RBM34: variants seen among roughly 807,000 people sequenced by gnomAD.
The protein encoded by RBM34 is RNA-binding protein 34.
A neutral mutation model predicts 44.6 loss-of-function variants in RBM34; 39 were observed. The ratio of observed to expected loss-of-function variants is 0.87; its 90% confidence interval spans 0.68 to 1.14. The LOEUF is 1.14. Among genes scored for constraint, RBM34 ranks in the 50% most tolerant of loss-of-function variants. RBM34 has a pLI of 0.00. For missense variants in RBM34, 572 were observed against 517.9 expected (o/e 1.10, Z -1.01); for synonymous variants, 194 against 184.0 (o/e 1.05, Z -0.44).
At chr1:235,136,993 T>A (rs567479873) in intron 8 of RBM34, among the ~76,000 whole-genome samples, 1 of 152,324 alleles carries the variant, frequency 6.6e-6, no homozygotes, top group Non-Finnish European at 1.5e-5. Flanking sequence ...TCTTTCTTTT[T>A]TCCCCCCGCT....
Position 235,160,977 on chromosome 1 carries a change from A to G in RBM34, c.144T>C (p.His48=), listed in dbSNP as rs1245990062. ...CCAGCCGACCGGTGCCACCTCTGGA[A>G]TGGTGTTCGCCGCGAAATAAGCTAC... ...VASSLFRGEH[H]SRGGTGRLAS... is the part of the protein sequence containing the mutation. The change falls in exon 2 of 11, where the codon CAT becomes CAC. Residue 48 remains histidine (H), a synonymous_variant. Coordinates refer to ENST00000408888, the MANE Select transcript of RBM34 (RefSeq NM_015014.4). The G allele has an allele frequency of 5.6e-6, 9 of 1,614,172 alleles. No homozygotes were observed.
intron 6 of RBM34, among the ~76,000 whole-genome samples, chr1:235,145,486 C>T (rs986891923): frequency 6.6e-6 from 1 of 152,100 alleles, no homozygotes; most frequent in Admixed American, 6.6e-5. Context: ...CCACGCTGCC[C>T]AGGCTGGTCT....
At chr1:235,151,995 T>G (rs1228687355) in intron 5 of RBM34, among the ~76,000 whole-genome samples, 1 of 151,694 alleles carries the variant, frequency 6.6e-6, no homozygotes, top group Non-Finnish European at 1.5e-5. Context: ...ATCGCACCAC[T>G]GCACTCCAGC....
chr1:235,140,350 C>T (rs1269616758), intron 6 of RBM34, among the ~76,000 whole-genome samples: 1 of 152,156 alleles, frequency 6.6e-6, no homozygotes, highest in Admixed American at 6.5e-5. Context: ...TCCAGGTGGG[C>T]GTGGGCTTGG....
At chr1:235,135,615 C>T in intron 10 of RBM34, 37 bp downstream of exon 10, 2 of 1,539,768 alleles carry the variant, frequency 1.3e-6, no homozygotes, top group Non-Finnish European at 1.8e-6. Flanking sequence ...TCCCAGGGCA[C>T]TTCGAAGGAC....
chr1:235,152,592 C>T (rs1335924458), intron 5 of RBM34, 114 bp downstream of exon 5: 2 of 1,486,154 alleles, frequency 1.3e-6, no homozygotes, highest in Non-Finnish European at 1.8e-6. Flanking sequence ...AAATTTGAAC[C>T]TATTGATTCA....
In RBM34 at chr1:235,155,822, CATATATATATATATAT is replaced by C. The variant is rs1172462826; in HGVS notation, c.366-726_366-711del. Among the ~76,000 whole-genome samples the C allele has an allele frequency of 3.4e-3, 218 of 64,166 alleles. 7 individuals are homozygous for C. The highest frequency in any genetic ancestry group is 8.3e-3 in the African/African-American group (72 of 8,654). The allele number at this position is 64,166 out of a possible 152,430, so 42.1% of individuals were successfully genotyped here. A position where few individuals can be genotyped will look rare whatever the true frequency, so the allele number is the denominator to read the frequency against. ...GTCCAGTCTTTTATACATACATATA[CATATATATATATATAT>C]ATATATATATATATATATATATATA... On this transcript the variant is annotated intron_variant, in intron 3 of 10. Transcript: ENST00000408888.
chr1:235,135,520 C>T (rs1365286384), intron 10 of RBM34, 132 bp downstream of exon 10: 2 of 801,756 alleles, frequency 2.5e-6, no homozygotes, highest in African/African-American at 1.7e-5. Flanking sequence ...TGAGTCACTG[C>T]ACCTAGCCCA....
chr1:235,136,994 T>A (rs74960730), intron 8 of RBM34, among the ~76,000 whole-genome samples: 1 of 152,098 alleles, frequency 6.6e-6, no homozygotes, highest in Non-Finnish European at 1.5e-5. Flanking sequence ...CTTTCTTTTT[T>A]CCCCCCGCTT....
At chr1:235,139,772 A>G (rs1399322001) in intron 6 of RBM34, among the ~76,000 whole-genome samples, 1 of 152,240 alleles carries the variant, frequency 6.6e-6, no homozygotes, top group Non-Finnish European at 1.5e-5. Flanking sequence ...CTAGAAGCTA[A>G]GGACAGGCCT....
At position 235,148,424 on chromosome 1, in the gene RBM34, G is replaced by A. The variant is rs769071908; in HGVS notation, c.681C>T (p.Ser227=). 4 of 1,593,820 alleles carry A rather than the reference G, an allele frequency of 2.5e-6. No homozygotes were observed. The South Asian group carries it at 3.5e-5, about 14-fold the overall frequency. Reference sequence around the variant, plus strand: ...CTTACTTTATTGCTGCCAACTTTTTGGATAGCGTTCCCTCTGCTGGAATCT... The same window carrying A: ...CTTACTTTATTGCTGCCAACTTTTTAGATAGCGTTCCCTCTGCTGGAATCT... ...RSLIPAEGTL[S]KKLAAIKRKI... is the part of the protein sequence containing the mutation. Residue 227 remains serine (S), a synonymous_variant, in exon 6 of 11, where the codon TCC becomes TCT. Transcript: ENST00000408888.
rs1661197202 is a variant in RBM34 at position 235,131,567 on chromosome 1, G to A, written c.*146C>T. 1 of 903,686 alleles carries A rather than the reference G, an allele frequency of 1.1e-6. No individual in the cohort carries two copies. The allele number at this position is 903,686 out of a possible 1,614,324, so 56.0% of individuals were successfully genotyped here. A position where few individuals can be genotyped will look rare whatever the true frequency, so the allele number is the denominator to read the frequency against. On this transcript the variant is annotated 3_prime_UTR_variant, in exon 11 of 11. Coordinates refer to ENST00000408888, the MANE Select transcript of RBM34 (RefSeq NM_015014.4). ...GGTAGTATCACAATGTGAATAAACT[G>A]AGAATGTGGAAGTCTCCACATTTCA... is the stretch of plus-strand genomic sequence containing the variant.
intron 10 of RBM34, among the ~76,000 whole-genome samples, chr1:235,132,336 A>G (rs1056717977): frequency 6.6e-6 from 1 of 151,784 alleles, no homozygotes; most frequent in African/African-American, 2.4e-5. Flanking sequence ...TTGAGACGGA[A>G]TCTCGCTCTG....
chr1:235,150,664 G>A (rs1368381047), intron 5 of RBM34, among the ~76,000 whole-genome samples: 1 of 152,170 alleles, frequency 6.6e-6, no homozygotes, highest in Admixed American at 6.6e-5. Flanking sequence ...AAGAATTAAG[G>A]ATGTATTTCA....
chr1:235,153,627 T>C (rs1662264637), intron 4 of RBM34, among the ~76,000 whole-genome samples: 2 of 152,160 alleles, frequency 1.3e-5, no homozygotes, highest in African/African-American at 2.4e-5. Flanking sequence ...GGTTTCACCA[T>C]GTTGGCCAAG....
intron 3 of RBM34, among the ~76,000 whole-genome samples, chr1:235,159,887 C>G (rs1211837673): frequency 6.8e-6 from 1 of 147,464 alleles, no homozygotes; most frequent in East Asian, 2.0e-4. Context: ...AAAAAAGAAA[C>G]GCAAACCAAA....
chr1:235,146,489 G>C (rs1024899739), intron 6 of RBM34, among the ~76,000 whole-genome samples: 1 of 152,180 alleles, frequency 6.6e-6, no homozygotes, highest in Admixed American at 6.5e-5. Context: ...ACTGTTTTAT[G>C]TGGGAAGAAG....
At chr1:235,146,963 G>A (rs1366187962) in intron 6 of RBM34, among the ~76,000 whole-genome samples, 1 of 152,206 alleles carries the variant, frequency 6.6e-6, no homozygotes, top group Non-Finnish European at 1.5e-5. Flanking sequence ...AAAGGCAGTG[G>A]CTCATGCTCA....
At chr1:235,132,565 C>T (rs1661259973) in intron 10 of RBM34, among the ~76,000 whole-genome samples, 1 of 152,142 alleles carries the variant, frequency 6.6e-6, no homozygotes, top group South Asian at 2.1e-4. Context: ...CCTTGCCCTC[C>T]CAAAGTGCTG....
Sources: allele counts gnomAD v4.1 joint callset (sites outside exome capture counted in the v4.1 genomes callset), GRCh38; gene constraint gnomAD v4.1.1; transcripts MANE v1.5; gene names NCBI Gene and HGNC (gene_info 2026-07-23, HGNC 2026-07-21).